The following PGM2L1 variants were observed in gnomAD, a reference collection of about 807,000 sequenced individuals.
The protein encoded by PGM2L1 is glucose 1,6-bisphosphate synthase.
Under a neutral mutation model 73.4 loss-of-function variants are expected in PGM2L1, and 35 were observed. The ratio of observed to expected loss-of-function variants is 0.48; its 90% CI spans 0.36 to 0.63. The LOEUF is 0.63. PGM2L1 is among the 30% of genes least tolerant of loss of function. The probability of loss-of-function intolerance (pLI) is 0.00; values close to 1 mark genes in which losing one functional copy is unlikely to be tolerated. For synonymous variants in PGM2L1, 225 were observed against 253.8 expected (o/e 0.89, Z 1.08); for missense variants, 570 against 742.0 (o/e 0.77, Z 2.69).
At chr11:74,371,480 C>T (rs528987924) in intron 3 of PGM2L1, among the ~76,000 whole-genome samples, 1 of 152,262 alleles carries the variant, frequency 6.6e-6, no homozygotes, top group East Asian at 1.9e-4. Flanking sequence ...GCTATGATGT[C>T]ATTCTAAATA....
intron 13 of PGM2L1, among the ~76,000 whole-genome samples, chr11:74,338,064 C>T (rs1456116461): frequency 6.6e-6 from 1 of 152,046 alleles, no homozygotes; most frequent in African/African-American, 2.4e-5. Flanking sequence ...ATTGTTGGGC[C>T]ATAAAAAACA....
intron 2 of PGM2L1, 63 bp downstream of exon 2, chr11:74,374,352 G>A: frequency 7.2e-7 from 1 of 1,381,922 alleles, no homozygotes; most frequent in Non-Finnish European, 9.8e-7. Context: ...AAACTGCTGG[G>A]ATTACAGGCA....
At chr11:74,369,140 A>G (rs1298087080) in intron 4 of PGM2L1, among the ~76,000 whole-genome samples, 1 of 152,128 alleles carries the variant, frequency 6.6e-6, no homozygotes, top group Non-Finnish European at 1.5e-5. Context: ...CAGCCACATC[A>G]TGATGAGTGA....
intron 5 of PGM2L1, chr11:74,355,232 T>G: frequency 7.3e-7 from 1 of 1,365,122 alleles, no homozygotes; most frequent in Non-Finnish European, 1.0e-6. Context: ...GCTACAATGA[T>G]TTTGGCAATT....
chr11:74,344,064 C>T, intron 9 of PGM2L1, among the ~76,000 whole-genome samples: 1 of 151,986 alleles, frequency 6.6e-6, no homozygotes, highest in Middle Eastern at 3.2e-3. Flanking sequence ...CGTGAGCCAC[C>T]ACGTCTGGCC....
At chr11:74,375,223 T>C (rs1862838403) in intron 1 of PGM2L1, among the ~76,000 whole-genome samples, 1 of 152,238 alleles carries the variant, frequency 6.6e-6, no homozygotes, top group African/African-American at 2.4e-5. Flanking sequence ...TAATTAAGAA[T>C]GAGAATACAA....
chr11:74,366,983 A>T (rs568973783), intron 5 of PGM2L1, among the ~76,000 whole-genome samples: 80 of 152,330 alleles, frequency 5.3e-4, no homozygotes, highest in African/African-American at 1.9e-3. Context: ...GATAGAAGAC[A>T]ACAATGGTTT....
At chr11:74,339,352 C>T (rs767810472) in intron 12 of PGM2L1, among the ~76,000 whole-genome samples, 3 of 152,160 alleles carry the variant, frequency 2.0e-5, no homozygotes, top group Non-Finnish European at 2.9e-5. Flanking sequence ...AACACTGGTA[C>T]TCTTGCTAGT....
Position 74,359,580 on chromosome 11 carries a change from TAC to T in PGM2L1, c.556-8006_556-8005del, listed in dbSNP as rs951215701. On this transcript the variant is annotated intron_variant, in intron 5 of 13. Transcript: ENST00000298198. ...ACGTACATACATATATATATATATA[TAC>T]ACATACATACACATAGAATGAGAAG... 1.3e-4 allele frequency among the ~76,000 whole-genome samples: 18 copies of T among 138,992 alleles called. 1 individual carries two copies. Among genetic ancestry groups the T allele is most frequent in the Middle Eastern group, 7.4e-3 (2 of 272 alleles). The allele number at this position is 138,992 out of a possible 152,430, so 91.2% of individuals were successfully genotyped here. A position where few individuals can be genotyped will look rare whatever the true frequency, so the allele number is the denominator to read the frequency against.
chr11:74,377,635 G>C (rs1862877016), intron 1 of PGM2L1, among the ~76,000 whole-genome samples: 1 of 152,142 alleles, frequency 6.6e-6, no homozygotes, highest in African/African-American at 2.4e-5. Context: ...GGGGTTTCAA[G>C]TAGAAAAGTG....
chr11:74,367,476 C>T (rs1343987068), intron 5 of PGM2L1, among the ~76,000 whole-genome samples: 1 of 152,150 alleles, frequency 6.6e-6, no homozygotes, highest in Admixed American at 6.5e-5. Context: ...CATATTCAAC[C>T]TCTATTTTAG....
chr11:74,354,490 CT>C (rs1421146079), intron 5 of PGM2L1: 20 of 1,165,592 alleles, frequency 1.7e-5, no homozygotes, highest in East Asian at 4.7e-5. Context: ...TGAGGAAGCT[CT>C]TTATTGGAGG....
At chr11:74,349,216 A>G (rs367900374) in intron 6 of PGM2L1, among the ~76,000 whole-genome samples, 32 of 152,378 alleles carry the variant, frequency 2.1e-4, no homozygotes, top group African/African-American at 7.5e-4. Flanking sequence ...ACAAATTAAG[A>G]GAAAGTTTCA....
At chr11:74,353,187 T>C (rs929671516) in intron 5 of PGM2L1, among the ~76,000 whole-genome samples, 1 of 151,186 alleles carries the variant, frequency 6.6e-6, no homozygotes, top group African/African-American at 2.4e-5. Context: ...TTTTTTTGTG[T>C]GTGTGTGTGT....
At chr11:74,358,067 A>G (rs1862490057) in intron 5 of PGM2L1, among the ~76,000 whole-genome samples, 2 of 152,192 alleles carry the variant, frequency 1.3e-5, no homozygotes, top group Admixed American at 6.5e-5. Flanking sequence ...CAGTAAAAAT[A>G]CTCTGTATGA....
At position 74,370,104 on chromosome 11, in the gene PGM2L1, C is replaced by A. The variant is rs528800486; in HGVS notation, c.471+798G>T. 7.9e-5 allele frequency among the ~76,000 whole-genome samples: 12 copies of A among 152,196 alleles called. No individual in the cohort carries two copies. The South Asian group carries it at 2.5e-3, about 32-fold the overall frequency. Reference sequence around the variant, plus strand: ...TACTTTAGTTATCAATGTTTCTTAACGTTTTAAATTACAATGTACTAAATA... The same window carrying A: ...TACTTTAGTTATCAATGTTTCTTAAAGTTTTAAATTACAATGTACTAAATA... On this transcript the variant is annotated intron_variant, in intron 4 of 13. Transcript: ENST00000298198.
intron 12 of PGM2L1, among the ~76,000 whole-genome samples, chr11:74,341,309 A>G (rs537725512): frequency 2.8e-4 from 42 of 152,350 alleles, no homozygotes; most frequent in African/African-American, 9.1e-4. Context: ...GTATTGATGC[A>G]GGTGAACCCC....
chr11:74,385,154 T>C (rs1353521239), intron 1 of PGM2L1, among the ~76,000 whole-genome samples: 1 of 152,222 alleles, frequency 6.6e-6, no homozygotes, highest in Non-Finnish European at 1.5e-5. Flanking sequence ...TTTTTTCCAG[T>C]TGTTGGAGGA....
intron 8 of PGM2L1, among the ~76,000 whole-genome samples, chr11:74,346,395 T>C (rs1862267588): frequency 6.6e-6 from 1 of 151,268 alleles, no homozygotes; most frequent in Admixed American, 6.6e-5. Context: ...AAAAAATGTA[T>C]AAAGTCAGGG....
Sources: gnomAD v4.1 joint callset for allele counts (sites outside exome capture counted in the v4.1 genomes callset) on GRCh38, gnomAD v4.1.1 for gene constraint, MANE v1.5 for transcripts, NCBI Gene and HGNC (gene_info 2026-07-23, HGNC 2026-07-21) for gene names.